Variants in KALRN observed in about 807,000 individuals in gnomAD.
KALRN encodes kalirin.
Under a neutral mutation model 353.7 loss-of-function variants are expected in KALRN, and 70 were observed. The ratio of observed to expected loss-of-function variants is 0.20; its 90% CI spans 0.16 to 0.24. The LOEUF is 0.24. Among genes scored for constraint, KALRN ranks in the 10% least tolerant of loss-of-function variants. KALRN has a pLI of 1.00. For synonymous variants in KALRN, 1,391 were observed against 1,434.8 expected (o/e 0.97, Z 0.69); for missense variants, 2,791 against 3,756.7 (o/e 0.74, Z 6.72).
intron 33 of KALRN, among the ~76,000 whole-genome samples, chr3:124,512,420 G>A (rs1561188726): frequency 6.6e-6 from 1 of 152,220 alleles, no homozygotes; most frequent in Non-Finnish European, 1.5e-5. Context: ...GGGAAGCTGA[G>A]GCGGGTGGAT....
chr3:124,290,974 A>G (rs1464214535), intron 5 of KALRN, among the ~76,000 whole-genome samples: 2 of 152,222 alleles, frequency 1.3e-5, no homozygotes, highest in Non-Finnish European at 1.5e-5. Flanking sequence ...TATGAGCACA[A>G]CACCTACCAG....
At chr3:124,667,367 G>A (rs554079049) in intron 47 of KALRN, among the ~76,000 whole-genome samples, 184 bp downstream of exon 47, 52 of 152,272 alleles carry the variant, frequency 3.4e-4, no homozygotes, top group African/African-American at 1.3e-3. Flanking sequence ...ACAACAGATA[G>A]GGTATGAAAA....
In KALRN at chr3:124,404,153, G is replaced by GAAA. The variant is rs66603520; in HGVS notation, c.2346+5296_2346+5298dup. Among the ~76,000 whole-genome samples, 298 of 123,596 alleles carry GAAA rather than the reference G, an allele frequency of 2.4e-3. 2 individuals are homozygous for GAAA. The highest frequency in any genetic ancestry group is 4.9e-3 in the African/African-American group (148 of 30,470). The allele number at this position is 123,596 out of a possible 152,430, so 81.1% of individuals were successfully genotyped here. On this transcript the variant is annotated intron_variant, in intron 13 of 59. Coordinates refer to ENST00000682506, the MANE Select transcript of KALRN (RefSeq NM_001388419.1). The stretch of plus-strand genomic sequence containing the variant: ...ACTTGGGTCTTTGTTCTGCTCTCTG[G>GAAA]AAAAAAAAAAAAAAAAGAGAGAACT...
chr3:124,722,209 TTA>T lies in KALRN; in HGVS notation c.*2741_*2742del, dbSNP rs1178614646. 6.6e-6 allele frequency: 1 copy of T among 152,122 alleles called. No individual in the cohort carries two copies. Among genetic ancestry groups the T allele is most frequent in the Non-Finnish European group, 1.5e-5 (1 of 68,066 alleles). The allele number at this position is 152,122 out of a possible 1,614,324, so 9.4% of individuals were successfully genotyped here. ...GGGGACAAGGAGGGTATTTTTGAAA[TTA>T]TGTTATGGGGGCAGTTGACAGAATG... On this transcript the variant is annotated 3_prime_UTR_variant, in exon 60 of 60. Transcript: ENST00000682506.
At chr3:124,380,418 A>G (rs2087186823) in intron 10 of KALRN, among the ~76,000 whole-genome samples, 1 of 152,180 alleles carries the variant, frequency 6.6e-6, no homozygotes, top group African/African-American at 2.4e-5. Flanking sequence ...GGTGTTGGAG[A>G]GGGAAGAACA....
At chr3:124,167,822 C>T (rs1406393502) in intron 1 of KALRN, among the ~76,000 whole-genome samples, 1 of 152,160 alleles carries the variant, frequency 6.6e-6, no homozygotes, top group African/African-American at 2.4e-5. Context: ...ATTTCTCAGT[C>T]ATATTAGCTA....
At chr3:124,063,179 A>G (rs937559822) in intron 1 of KALRN, among the ~76,000 whole-genome samples, 6 of 152,224 alleles carry the variant, frequency 3.9e-5, no homozygotes, top group Non-Finnish European at 5.9e-5. Context: ...GAGGTGGTCA[A>G]TAGTCAAACA....
intron 23 of KALRN, among the ~76,000 whole-genome samples, chr3:124,459,682 A>G (rs1346322958): frequency 6.6e-6 from 1 of 152,338 alleles, no homozygotes; most frequent in East Asian, 1.9e-4. Context: ...AAAGTAACAC[A>G]TATCTAGAGA....
intron 14 of KALRN, among the ~76,000 whole-genome samples, chr3:124,414,212 TGAGA>T (rs2092368692): frequency 6.6e-6 from 1 of 151,934 alleles, no homozygotes; most frequent in Non-Finnish European, 1.5e-5. Context: ...GCAGACAGAG[TGAGA>T]GAATCAATGA....
At chr3:124,389,459 A>G (rs2088980606) in intron 11 of KALRN, among the ~76,000 whole-genome samples, 1 of 152,202 alleles carries the variant, frequency 6.6e-6, no homozygotes, top group Admixed American at 6.5e-5. Flanking sequence ...CTACAAATTC[A>G]AGTCTGCTTA....
intron 5 of KALRN, 112 bp downstream of exon 5, chr3:124,269,367 T>A (rs1460003601): frequency 8.5e-7 from 1 of 1,169,722 alleles, no homozygotes; most frequent in Non-Finnish European, 1.2e-6. Context: ...TAAAACAGTG[T>A]GCCTACTAGT....
chr3:124,325,520 C>A (rs943666764), intron 6 of KALRN, among the ~76,000 whole-genome samples: 1 of 152,142 alleles, frequency 6.6e-6, no homozygotes, highest in Admixed American at 6.5e-5. Flanking sequence ...ATGAGTACTT[C>A]TGCCCTGTTT....
chr3:124,488,102 T>C lies in KALRN; in HGVS notation c.4285-102T>C, dbSNP rs187418223. ...TTTCTTTATAGCTCAGAGGGAACCA[T>C]TACAGAGAGCGAAGCTGGTCTATAA... On this transcript the variant is annotated intron_variant, in intron 28 of 59. Transcript: ENST00000682506. 1.7e-3 allele frequency: 1,143 copies of C among 687,230 alleles called. 2 individuals are homozygous for C. Among genetic ancestry groups the C allele is most frequent in the Non-Finnish European group, 2.3e-3 (886 of 383,340 alleles). The allele number at this position is 687,230 out of a possible 1,614,324, so 42.6% of individuals were successfully genotyped here.
At chr3:124,082,516 C>T (rs2060596013) in intron 1 of KALRN, among the ~76,000 whole-genome samples, 1 of 152,138 alleles carries the variant, frequency 6.6e-6, no homozygotes, top group Non-Finnish European at 1.5e-5. Flanking sequence ...ACTCCTCTAA[C>T]AAACCTAAAA....
chr3:124,451,493 C>T (rs914275800), intron 21 of KALRN, among the ~76,000 whole-genome samples: 7 of 152,168 alleles, frequency 4.6e-5, no homozygotes, highest in Non-Finnish European at 1.0e-4. Flanking sequence ...GCCACAAGAT[C>T]ATGTCCATAC....
In KALRN at chr3:124,562,338, A is replaced by G. The variant is rs1178777944; in HGVS notation, c.4936-505A>G. The stretch of plus-strand genomic sequence containing the variant: ...AAGGCTGTCTCTTCCATTATTCCCT[A>G]TCATCTAGTGAGAATCTAATGGGAG... On this transcript the variant is annotated intron_variant, in intron 33 of 59. Transcript: ENST00000682506. 1.4e-4 allele frequency among the ~76,000 whole-genome samples: 21 copies of G among 152,204 alleles called. No homozygotes were observed. In the East Asian group the frequency reaches 4.1e-3, roughly 29 times the overall value.
chr3:124,202,457 G>T lies in KALRN; in HGVS notation c.74-25533G>T, dbSNP rs543720994. Among the ~76,000 whole-genome samples, 61 of 152,250 alleles carry T rather than the reference G, an allele frequency of 4.0e-4. No homozygotes were observed. In the South Asian group the frequency reaches 8.5e-3, roughly 21 times the overall value. On this transcript the variant is annotated intron_variant, in intron 1 of 59. Coordinates refer to ENST00000682506, the MANE Select transcript of KALRN (RefSeq NM_001388419.1). Reference sequence around the variant, plus strand: ...GTAGAAATGGGTGTTTCACCACATTGCCCAGGCTGGTCTCAAACTCATGGG... The same window carrying T: ...GTAGAAATGGGTGTTTCACCACATTTCCCAGGCTGGTCTCAAACTCATGGG...
intron 1 of KALRN, among the ~76,000 whole-genome samples, chr3:124,043,563 C>G (rs1055364704): frequency 4.6e-5 from 7 of 151,908 alleles, no homozygotes; most frequent in Non-Finnish European, 8.8e-5. Context: ...TGGGAAGGAC[C>G]AATGGGCACA....
chr3:124,694,616 G>C (rs770031366), intron 53 of KALRN, 113 bp downstream of exon 53: 10 of 1,032,628 alleles, frequency 9.7e-6, no homozygotes, highest in Non-Finnish European at 1.4e-5. Context: ...CAAGAGAATA[G>C]CTGCCCTGGA....
Sources: allele counts gnomAD v4.1 joint callset (sites outside exome capture counted in the v4.1 genomes callset), GRCh38; gene constraint gnomAD v4.1.1; transcripts MANE v1.5; gene names NCBI Gene and HGNC (gene_info 2026-07-23, HGNC 2026-07-21).